The following TMEM266 variants were observed in gnomAD, a reference collection of about 807,000 sequenced individuals.
TMEM266 encodes the protein Hv1 related protein 1.
Under a neutral mutation model 50.5 loss-of-function variants are expected in TMEM266, and 33 were observed. That is an observed-to-expected ratio of 0.65 (90% CI 0.50 to 0.87). TMEM266 has a LOEUF of 0.87. TMEM266 is among the 40% of genes least tolerant of loss of function. The pLI is 0.00. For synonymous variants in TMEM266, 310 were observed against 292.3 expected, an observed-to-expected ratio of 1.06 and a Z score of -0.62; for missense variants, 655 against 695.1, an observed-to-expected ratio of 0.94 and a Z score of 0.65.
intron 1 of TMEM266, among the ~76,000 whole-genome samples, chr15:76,078,396 G>C (rs1318444320): frequency 6.6e-6 from 1 of 151,162 alleles, no homozygotes; most frequent in Non-Finnish European, 1.5e-5. Flanking sequence ...TTTTCAGCTT[G>C]ATTTTTATTT....
chr15:76,144,366 A>T (rs1412805947), intron 3 of TMEM266, among the ~76,000 whole-genome samples: 4 of 152,074 alleles, frequency 2.6e-5, no homozygotes, highest in African/African-American at 9.7e-5. Context: ...AGCCGTAGTC[A>T]CCCTGGAGTC....
intron 1 of TMEM266, among the ~76,000 whole-genome samples, chr15:76,070,792 A>G (rs1349797966): frequency 6.6e-6 from 1 of 152,146 alleles, no homozygotes; most frequent in Non-Finnish European, 1.5e-5. Flanking sequence ...GGGCTTCCAT[A>G]ATGGGGAAGA....
chr15:76,109,466 A>T (rs1426344588), intron 1 of TMEM266, among the ~76,000 whole-genome samples: 2 of 152,246 alleles, frequency 1.3e-5, no homozygotes, highest in African/African-American at 4.8e-5. Flanking sequence ...AAGACTCCGC[A>T]TGCTTGGCAA....
intron 9 of TMEM266, among the ~76,000 whole-genome samples, chr15:76,195,592 G>A (rs1213782606): frequency 6.6e-6 from 1 of 152,228 alleles, no homozygotes; most frequent in African/African-American, 2.4e-5. Context: ...ATCTTCCTCT[G>A]TGACAGCCTC....
At chr15:76,106,291 A>G (rs947822633) in intron 1 of TMEM266, among the ~76,000 whole-genome samples, 2 of 152,204 alleles carry the variant, frequency 1.3e-5, no homozygotes, top group East Asian at 1.9e-4. Flanking sequence ...CCCGTGTCAT[A>G]TTCACAACTG....
chr15:76,135,942 G>T (rs772283045), intron 2 of TMEM266, among the ~76,000 whole-genome samples: 198 of 145,340 alleles, frequency 1.4e-3, no homozygotes, highest in Non-Finnish European at 2.3e-3. Context: ...GCAGCTGTGG[G>T]TTTTTTTTTT....
At chr15:76,159,119 CT>C (rs898619171) in intron 4 of TMEM266, among the ~76,000 whole-genome samples, 2 of 152,216 alleles carry the variant, frequency 1.3e-5, no homozygotes, top group Admixed American at 6.5e-5. Context: ...CTCTCACCCC[CT>C]CTCAGCCCTT....
At chr15:76,151,404 A>G (rs1381108838) in intron 3 of TMEM266, among the ~76,000 whole-genome samples, 3 of 152,072 alleles carry the variant, frequency 2.0e-5, no homozygotes, top group African/African-American at 7.2e-5. Flanking sequence ...GGATTTTCAA[A>G]CACTGGTCAA....
At chr15:76,121,844 A>G (rs2037351845) in intron 1 of TMEM266, among the ~76,000 whole-genome samples, 1 of 152,202 alleles carries the variant, frequency 6.6e-6, no homozygotes, top group South Asian at 2.1e-4. Flanking sequence ...GTCTTTCACT[A>G]TTCTCACTTC....
intron 1 of TMEM266, among the ~76,000 whole-genome samples, chr15:76,101,214 G>A (rs1358535922): frequency 6.6e-6 from 1 of 152,146 alleles, no homozygotes; most frequent in East Asian, 1.9e-4. Context: ...ATCCTGCTGA[G>A]GGATGTCAAG....
At chr15:76,201,250 G>A (rs1018241886) in intron 9 of TMEM266, among the ~76,000 whole-genome samples, 9 of 152,072 alleles carry the variant, frequency 5.9e-5, no homozygotes, top group Non-Finnish European at 8.8e-5. Context: ...TCACTGCCTC[G>A]CTGCCCTTGG....
At chr15:76,159,431 C>T (rs912628935) in intron 4 of TMEM266, among the ~76,000 whole-genome samples, 5 of 152,178 alleles carry the variant, frequency 3.3e-5, no homozygotes, top group Non-Finnish European at 5.9e-5. Flanking sequence ...CACTCCCACT[C>T]CAGAACCTGG....
intron 1 of TMEM266, among the ~76,000 whole-genome samples, chr15:76,085,775 G>A (rs1444240837): frequency 6.6e-6 from 1 of 152,104 alleles, no homozygotes; most frequent in Non-Finnish European, 1.5e-5. Flanking sequence ...GGCTGGGCGT[G>A]GTGGCTTACA....
intron 1 of TMEM266, among the ~76,000 whole-genome samples, chr15:76,061,706 A>G (rs1596076256): frequency 6.6e-6 from 1 of 152,222 alleles, no homozygotes; most frequent in East Asian, 1.9e-4. Context: ...TAATTCTCAC[A>G]CACAAGGAGT....
chr15:76,090,177 C>A (rs1047302060), intron 1 of TMEM266, among the ~76,000 whole-genome samples: 1 of 152,032 alleles, frequency 6.6e-6, no homozygotes, highest in African/African-American at 2.4e-5. Flanking sequence ...GATGGGACAT[C>A]AGAGAATATC....
chr15:76,099,482 G>A lies in TMEM266; in HGVS notation c.-96-34686G>A, dbSNP rs117661446. Among the ~76,000 whole-genome samples the A allele has an allele frequency of 6.2e-3, 946 of 152,334 alleles. 10 individuals are homozygous for A. Among genetic ancestry groups the A allele is most frequent in the Admixed American group, 8.9e-3 (137 of 15,310 alleles). ...GCAGAAATCACCCATCTTCTGTGTC[G>A]ACCTCGCTGGGAGCTGCAGACCGGA... On this transcript the variant is annotated intron_variant, in intron 1 of 10. Transcript: ENST00000388942.
chr15:76,103,866 T>C (rs2037040077), intron 1 of TMEM266, among the ~76,000 whole-genome samples: 1 of 143,748 alleles, frequency 7.0e-6, no homozygotes. Context: ...GAGTCAAGAT[T>C]GCACCACTGC....
intron 9 of TMEM266, among the ~76,000 whole-genome samples, chr15:76,193,615 T>C (rs1157875825): frequency 6.6e-6 from 1 of 152,164 alleles, no homozygotes; most frequent in Non-Finnish European, 1.5e-5. Flanking sequence ...GAGAATCCCC[T>C]CTATAACTCT....
At chr15:76,065,065 A>G (rs1166532348) in intron 1 of TMEM266, among the ~76,000 whole-genome samples, 1 of 152,194 alleles carries the variant, frequency 6.6e-6, no homozygotes, top group Non-Finnish European at 1.5e-5. Context: ...AACAATTTCT[A>G]TGACAGTTAC....
Sources: gnomAD v4.1 joint callset for allele counts (sites outside exome capture counted in the v4.1 genomes callset) on GRCh38, gnomAD v4.1.1 for gene constraint, MANE v1.5 for transcripts, NCBI Gene and HGNC (gene_info 2026-07-23, HGNC 2026-07-21) for gene names.